Variants in FSTL4 observed in about 807,000 individuals in gnomAD.
FSTL4 encodes the protein follistatin-related protein 4.
FSTL4 carries 28 observed loss-of-function variants against 78.2 expected under a neutral mutation model. The ratio of observed to expected loss-of-function variants is 0.36; its 90% CI spans 0.27 to 0.49. The LOEUF is 0.49. Ranked by LOEUF, FSTL4 falls within the 20% of genes least tolerant of loss-of-function variation. FSTL4 has a pLI of 0.98. For synonymous variants in FSTL4, 422 were observed against 440.5 expected, an observed-to-expected ratio of 0.96 and a Z score of 0.53; for missense variants, 922 against 1,084.9, an observed-to-expected ratio of 0.85 and a Z score of 2.11.
chr5:133,235,973 G>A (rs185905949), intron 7 of FSTL4, among the ~76,000 whole-genome samples: 134 of 152,206 alleles, frequency 8.8e-4, no homozygotes, highest in African/African-American at 3.1e-3. Flanking sequence ...ATCCTGAAAT[G>A]GTACAGCCAT....
At chr5:133,356,857 G>A (rs1247521954) in intron 4 of FSTL4, among the ~76,000 whole-genome samples, 2 of 152,214 alleles carry the variant, frequency 1.3e-5, no homozygotes, top group South Asian at 2.1e-4. Flanking sequence ...GCATGCAAAC[G>A]AGGCCCTAGG....
the FSTL4 span, among the ~76,000 whole-genome samples, chr5:133,830,024 G>C: frequency 1.3e-5 from 2 of 152,204 alleles, no homozygotes; most frequent in African/African-American, 2.4e-5. Flanking sequence ...ATGAGGATGA[G>C]GGGTGGGCCC....
At chr5:133,477,112 T>A (rs1200497502) in intron 3 of FSTL4, among the ~76,000 whole-genome samples, 1 of 152,230 alleles carries the variant, frequency 6.6e-6, no homozygotes, top group Non-Finnish European at 1.5e-5. Context: ...GACATGAAGA[T>A]GTTTACCTAC....
chr5:133,697,871 G>T, the FSTL4 span, among the ~76,000 whole-genome samples: 4 of 152,040 alleles, frequency 2.6e-5, no homozygotes, highest in African/African-American at 4.8e-5. Flanking sequence ...GCACGTGCCC[G>T]CTGTACTCCC....
chr5:133,419,442 T>C (rs1166197854), intron 3 of FSTL4, among the ~76,000 whole-genome samples: 1 of 152,218 alleles, frequency 6.6e-6, no homozygotes, highest in Non-Finnish European at 1.5e-5. Flanking sequence ...TATTGCTGAG[T>C]AGCATTCTAC....
At chr5:133,533,443 G>C (rs1185369238) in intron 3 of FSTL4, among the ~76,000 whole-genome samples, 1 of 152,068 alleles carries the variant, frequency 6.6e-6, no homozygotes, top group Non-Finnish European at 1.5e-5. Context: ...GCAGGGTTTT[G>C]CCATGTTGGC....
At chr5:133,671,750 A>C in the FSTL4 span, among the ~76,000 whole-genome samples, 1 of 152,256 alleles carries the variant, frequency 6.6e-6, no homozygotes, top group African/African-American at 2.4e-5. Flanking sequence ...AGAGGAAAAC[A>C]AAGGAAGGAG....
intron 3 of FSTL4, among the ~76,000 whole-genome samples, chr5:133,409,881 C>T (rs780860143): frequency 6.6e-6 from 1 of 152,184 alleles, no homozygotes; most frequent in East Asian, 1.9e-4. Context: ...CTGGGATCTA[C>T]AAGGTGTGTC....
At chr5:133,765,601 G>A in the FSTL4 span, among the ~76,000 whole-genome samples, 2 of 152,196 alleles carry the variant, frequency 1.3e-5, no homozygotes, top group African/African-American at 4.8e-5. Flanking sequence ...ATCAGTGTGA[G>A]AGAGTCCATC....
Position 133,603,880 on chromosome 5 carries a change from C to A in FSTL4, c.104G>T (p.Gly35Val). Residue 35 changes from glycine to valine, a missense_variant, in exon 2 of 16, where the codon GGT becomes GTT. Transcript: ENST00000265342. Reference protein sequence around the residue: ...DPGTSRGPDVGVGESQAEEPR... With the variant: ...DPGTSRGPDVVVGESQAEEPR... ...TACCTCTGCCTGTGACTCCCCCACA[C>A]CCACATCCGGGCCTCTGCTGGTTCC... The A allele has an allele frequency of 1.2e-6, 2 of 1,614,166 alleles. No individual in the cohort carries two copies. The highest frequency in any genetic ancestry group is 1.7e-6 in the Non-Finnish European group (2 of 1,179,966).
chr5:133,830,199 C>T, the FSTL4 span, among the ~76,000 whole-genome samples: 1 of 152,178 alleles, frequency 6.6e-6, no homozygotes, highest in East Asian at 1.9e-4. Context: ...CTTGAGTACC[C>T]CAGTCAAGGT....
chr5:133,324,468 T>C (rs1329548600), intron 4 of FSTL4, among the ~76,000 whole-genome samples: 1 of 152,224 alleles, frequency 6.6e-6, no homozygotes, highest in Admixed American at 6.5e-5. Context: ...CACCAACTCC[T>C]TCAGCCTCCC....
the FSTL4 span, among the ~76,000 whole-genome samples, chr5:133,820,067 C>T: frequency 9.2e-5 from 14 of 152,310 alleles, no homozygotes; most frequent in South Asian, 2.1e-4. Context: ...CTTCCCAGCA[C>T]GGCACGGCGC....
chr5:133,705,841 ACACACACACACGCGCG>A, the FSTL4 span, among the ~76,000 whole-genome samples: 2 of 137,112 alleles, frequency 1.5e-5, no homozygotes, highest in Admixed American at 7.0e-5. Context: ...CTCCTGCAAC[ACACACACACACGCGCG>A]CACACACACA....
the FSTL4 span, among the ~76,000 whole-genome samples, chr5:133,831,451 G>T: frequency 6.6e-6 from 1 of 152,100 alleles, no homozygotes; most frequent in Non-Finnish European, 1.5e-5. Context: ...TCATTAGGAG[G>T]CAGTGAGTGG....
intron 3 of FSTL4, among the ~76,000 whole-genome samples, chr5:133,566,849 T>C (rs1732154317): frequency 6.6e-6 from 1 of 152,260 alleles, no homozygotes; most frequent in South Asian, 2.1e-4. Flanking sequence ...TTTGTGTTGT[T>C]CACGTTGCTT....
At chr5:133,815,194 A>T in the FSTL4 span, among the ~76,000 whole-genome samples, 1 of 152,262 alleles carries the variant, frequency 6.6e-6, no homozygotes, top group Non-Finnish European at 1.5e-5. Flanking sequence ...AGTCATCAAC[A>T]TGGCAAAAGA....
At chr5:133,547,887 A>G (rs1446019132) in intron 3 of FSTL4, among the ~76,000 whole-genome samples, 2 of 152,218 alleles carry the variant, frequency 1.3e-5, no homozygotes, top group Non-Finnish European at 2.9e-5. Context: ...CAAGAGGGGA[A>G]GCTGGATTAC....
chr5:133,228,949 A>T (rs1460943532), intron 8 of FSTL4, among the ~76,000 whole-genome samples: 1 of 152,224 alleles, frequency 6.6e-6, no homozygotes, highest in East Asian at 1.9e-4. Context: ...AATCATATGT[A>T]GTTATATCCA....
Sources: gnomAD v4.1 joint callset for allele counts (sites outside exome capture counted in the v4.1 genomes callset) on GRCh38, gnomAD v4.1.1 for gene constraint, MANE v1.5 for transcripts, NCBI Gene and HGNC (gene_info 2026-07-23, HGNC 2026-07-21) for gene names.